Variants in CDH23 observed in about 807,000 individuals in gnomAD.
CDH23 encodes cadherin related 23, also known as cadherin-23.
In CDH23, 189 loss-of-function variants were observed where a neutral mutation model predicts 317.1. That is an observed-to-expected ratio of 0.60 (90% CI 0.53 to 0.67). The LOEUF is 0.67. Among genes scored for constraint, CDH23 ranks in the 30% least tolerant of loss-of-function variants. The probability of loss-of-function intolerance (pLI) is 0.00; values close to 1 mark genes in which losing one functional copy is unlikely to be tolerated. For missense variants in CDH23, 4,401 were observed against 4,592.4 expected (o/e 0.96, Z 1.20); for synonymous variants, 1,839 against 1,876.8 (o/e 0.98, Z 0.52).
intron 60 of CDH23, 133 bp from the exon 61 acceptor site, chr10:71,809,687 C>T (rs1841854791): frequency 7.7e-7 from 1 of 1,294,728 alleles, no homozygotes; most frequent in South Asian, 1.5e-5. Context: ...GTCACCTTTG[C>T]TCCCTGCTGT....
chr10:71,718,002 T>C (rs764712028), intron 28 of CDH23: 1 of 152,254 alleles, frequency 6.6e-6, no homozygotes, highest in Non-Finnish European at 1.5e-5. Context: ...ATGTGTGATA[T>C]TTAAATTCTA....
At chr10:71,467,078 G>T (rs562305151) in intron 3 of CDH23, among the ~76,000 whole-genome samples, 3 of 152,114 alleles carry the variant, frequency 2.0e-5, no homozygotes, top group Admixed American at 6.5e-5. Flanking sequence ...GTGTTTCTCC[G>T]CAGAGGATGC....
chr10:71,665,974 G>A (rs1264143804), intron 14 of CDH23, among the ~76,000 whole-genome samples: 2 of 152,220 alleles, frequency 1.3e-5, no homozygotes, highest in African/African-American at 2.4e-5. Flanking sequence ...GAGATATTCT[G>A]AGGCTTCCTC....
chr10:71,731,722 G>A (rs986259966), intron 31 of CDH23, among the ~76,000 whole-genome samples: 25 of 152,172 alleles, frequency 1.6e-4, no homozygotes, highest in African/African-American at 6.0e-4. Context: ...TGAGGCTCCA[G>A]GAGCAGACCC....
intron 7 of CDH23, among the ~76,000 whole-genome samples, chr10:71,570,084 C>T (rs930082824): frequency 6.6e-6 from 1 of 151,960 alleles, no homozygotes; most frequent in Non-Finnish European, 1.5e-5. Context: ...TCCCAACTGA[C>T]GGTTTAAATA....
chr10:71,803,440 C>T lies in CDH23; in HGVS notation c.7872+20C>T, dbSNP rs1449293166. 4 of 1,555,960 alleles carry T rather than the reference C, an allele frequency of 2.6e-6. No individual in the cohort carries two copies. The highest frequency in any genetic ancestry group is 3.5e-6 in the Non-Finnish European group (4 of 1,147,822). On this transcript the variant is annotated intron_variant, in intron 55 of 69. Transcript: ENST00000224721. ...AGAGAGGTACTCCTGCCCCGAGGGC[C>T]TCCTGCCCACCAGTATTTCCTTCTT... is the stretch of plus-strand genomic sequence containing the variant.
intron 3 of CDH23, 70 bp downstream of exon 3, chr10:71,446,465 G>A: frequency 2.8e-6 from 4 of 1,428,290 alleles, no homozygotes; most frequent in Non-Finnish European, 4.0e-6. Flanking sequence ...AAGTGAAGGG[G>A]ATCTTACAGG....
Position 71,779,275 on chromosome 10 carries a change from G to C in CDH23, c.5196G>C (p.Val1732=). The C allele has an allele frequency of 6.2e-7, 1 of 1,614,022 alleles. No homozygotes were observed. The highest frequency in any genetic ancestry group is 8.5e-7 in the Non-Finnish European group (1 of 1,179,896). Reference sequence around the variant, plus strand: ...CTTTTCCACCATCTCAGGTGCTTGTGAATGTGAATGACATCAACGACAATG... The same window carrying C: ...CTTTTCCACCATCTCAGGTGCTTGTCAATGTGAATGACATCAACGACAATG... ...HRLTSTTTVL[V]NVNDINDNVP... The change falls in exon 41 of 70, where the codon GTG becomes GTC. Residue 1732 remains valine, a synonymous_variant. Transcript: ENST00000224721.
intron 6 of CDH23, among the ~76,000 whole-genome samples, chr10:71,544,201 G>A (rs1397119833): frequency 6.6e-6 from 1 of 152,192 alleles, no homozygotes; most frequent in Admixed American, 6.5e-5. Flanking sequence ...CTGCTTGGCT[G>A]CCACAGATGC....
At chr10:71,677,748 A>ACTTG (rs1864436497) in intron 16 of CDH23, 55 bp downstream of exon 16, 4 of 1,400,448 alleles carry the variant, frequency 2.9e-6, no homozygotes, top group South Asian at 2.5e-5. Context: ...TTCTCCCTGT[A>ACTTG]CTTGCTTGCT....
Position 71,788,924 on chromosome 10 carries a change from A to G in CDH23, c.5821-16A>G, listed in dbSNP as rs772350278. The G allele has an allele frequency of 2.2e-6, 3 of 1,394,444 alleles. No homozygotes were observed. The highest frequency in any genetic ancestry group is 2.0e-6 in the Non-Finnish European group (2 of 979,642). 86.4% of individuals were successfully genotyped at this position (1,394,444 alleles called of 1,614,324 possible). On this transcript the variant is annotated splice_polypyrimidine_tract_variant and intron_variant, in intron 44 of 69. Transcript: ENST00000224721. ...CTGAGCATGGCCTACAACGTGCCCCATTCTGCCCCTTGCAGGATTATGACT... is the reference window on the plus strand; with the variant it reads ...CTGAGCATGGCCTACAACGTGCCCCGTTCTGCCCCTTGCAGGATTATGACT...
At chr10:71,529,463 C>G (rs1307950053) in intron 6 of CDH23, among the ~76,000 whole-genome samples, 1 of 152,160 alleles carries the variant, frequency 6.6e-6, no homozygotes, top group Non-Finnish European at 1.5e-5. Context: ...AGCGGGGTGG[C>G]CTTGTCTGGA....
At chr10:71,416,120 G>T (rs1488548407) in intron 1 of CDH23, among the ~76,000 whole-genome samples, 8 of 152,150 alleles carry the variant, frequency 5.3e-5, no homozygotes, top group Admixed American at 2.0e-4. Context: ...CACCTCCCAG[G>T]TTCAAGCAAT....
At chr10:71,749,356 G>A (rs1269593436) in intron 38 of CDH23, 1 of 152,274 alleles carries the variant, frequency 6.6e-6, no homozygotes, top group Non-Finnish European at 1.5e-5. Flanking sequence ...CCCCAGGCTG[G>A]AGTGTAGTGG....
intron 3 of CDH23, among the ~76,000 whole-genome samples, chr10:71,451,904 G>A (rs961426172): frequency 6.6e-6 from 1 of 152,192 alleles, no homozygotes; most frequent in Non-Finnish European, 1.5e-5. Flanking sequence ...TCCATGCCCT[G>A]TTCAACATCC....
At chr10:71,716,156 G>A (rs1034223163) in intron 28 of CDH23, 27 of 1,550,712 alleles carry the variant, frequency 1.7e-5, no homozygotes, top group Middle Eastern at 1.7e-4. Context: ...CAGCGCGGCC[G>A]GCTTGCAGAG....
intron 14 of CDH23, among the ~76,000 whole-genome samples, chr10:71,653,814 A>G (rs747260646): frequency 6.6e-6 from 1 of 152,190 alleles, no homozygotes; most frequent in Admixed American, 6.5e-5. Context: ...AATAATAATA[A>G]TACTTATCCC....
At chr10:71,637,336 A>G (rs1299648705) in intron 11 of CDH23, among the ~76,000 whole-genome samples, 1 of 151,974 alleles carries the variant, frequency 6.6e-6, no homozygotes, top group East Asian at 1.9e-4. Context: ...TGGTCTAGAA[A>G]TCAGCTCCTT....
intron 3 of CDH23, among the ~76,000 whole-genome samples, chr10:71,458,779 T>TTTTTG (rs1330015735): frequency 6.6e-5 from 10 of 152,238 alleles, no homozygotes; most frequent in South Asian, 2.1e-4. Context: ...AAGTAAGGGT[T>TTTTTG]TTTTGTTTTG....
Sources: allele counts gnomAD v4.1 joint callset (sites outside exome capture counted in the v4.1 genomes callset), GRCh38; gene constraint gnomAD v4.1.1; transcripts MANE v1.5; gene names NCBI Gene and HGNC (gene_info 2026-07-23, HGNC 2026-07-21).